Variants in SHANK2 observed in about 807,000 individuals in gnomAD.
SHANK2 encodes SH3 and multiple ankyrin repeat domains protein 2.
SHANK2 carries 43 observed loss-of-function variants against 133.7 expected under a neutral mutation model. That is an observed-to-expected ratio of 0.32 (90% confidence interval 0.25 to 0.41). The LOEUF (loss-of-function observed/expected upper bound fraction) is 0.41, where lower values mean the gene tolerates loss of function less well. SHANK2 is among the 10% of genes least tolerant of loss of function. The pLI is 1.00. For synonymous variants in SHANK2, 1,017 were observed against 952.8 expected, an observed-to-expected ratio of 1.07 and a Z score of -1.24; for missense variants, 1,994 against 2,235.8, an observed-to-expected ratio of 0.89 and a Z score of 2.18.
At chr11:70,836,402 ACAG>A (rs1948817477) in intron 11 of SHANK2, among the ~76,000 whole-genome samples, 1 of 152,144 alleles carries the variant, frequency 6.6e-6, no homozygotes. Context: ...AAGGATAATA[ACAG>A]CAGCTGTCTT....
intron 3 of SHANK2, among the ~76,000 whole-genome samples, chr11:71,135,294 G>C (rs1555104565): frequency 6.6e-6 from 1 of 152,178 alleles, no homozygotes; most frequent in Non-Finnish European, 1.5e-5. Flanking sequence ...ACAAGGATGA[G>C]CAGAGCCTGC....
intron 3 of SHANK2, among the ~76,000 whole-genome samples, chr11:71,124,165 CGATGAT>C (rs1952131935): frequency 1.6e-4 from 1 of 6,394 alleles, no homozygotes; most frequent in Non-Finnish European, 4.1e-4. Context: ...ATTATGATAG[CGATGAT>C]GGTGATGGTG....
intron 8 of SHANK2, among the ~76,000 whole-genome samples, chr11:71,088,150 C>G (rs1435054505): frequency 2.6e-5 from 4 of 152,124 alleles, no homozygotes; most frequent in Admixed American, 1.3e-4. Context: ...ACTGAGGTCC[C>G]CTGAGGAGGA....
At chr11:70,854,549 G>A (rs1477895564) in intron 11 of SHANK2, among the ~76,000 whole-genome samples, 2 of 152,186 alleles carry the variant, frequency 1.3e-5, no homozygotes, top group African/African-American at 2.4e-5. Context: ...TGAGGGAGAG[G>A]GACCAAGGTC....
chr11:70,698,702 G>A lies in SHANK2; in HGVS notation c.1839C>T (p.Ser613=). 2.8e-6 allele frequency: 2 copies of A among 718,674 alleles called. No homozygotes were observed. Among genetic ancestry groups the A allele is most frequent in the Non-Finnish European group, 5.2e-6 (2 of 385,118 alleles). 44.5% of individuals were successfully genotyped at this position (718,674 alleles called of 1,614,324 possible). ...FRHYTVGSYD[S]FDTSSDCIIE... Reference sequence around the variant, plus strand: ...GCGCGTCTTACCTGGAAGTGTCGAAGCTGTCATAGGAGCCCACGGTGTAGT... The same window carrying A: ...GCGCGTCTTACCTGGAAGTGTCGAAACTGTCATAGGAGCCCACGGTGTAGT... Residue 613 remains serine (S), a synonymous_variant, in exon 15 of 26, where the codon AGC becomes AGT. Transcript: ENST00000601538.
chr11:70,497,762 G>T (rs1329337787), intron 21 of SHANK2, among the ~76,000 whole-genome samples: 1 of 152,196 alleles, frequency 6.6e-6, no homozygotes, highest in African/African-American at 2.4e-5. Flanking sequence ...AATCACAAGG[G>T]AGTCACCAAA....
At chr11:70,751,647 T>C (rs180748069) in intron 14 of SHANK2, among the ~76,000 whole-genome samples, 3 of 152,178 alleles carry the variant, frequency 2.0e-5, no homozygotes, top group Non-Finnish European at 1.5e-5. Flanking sequence ...GAAAATACGA[T>C]GGTTGAAGTA....
Position 70,486,649 on chromosome 11 carries a change from G to C in SHANK2, c.3644C>G (p.Pro1215Arg). The change falls in exon 25 of 26, where the codon CCG becomes CGG. Residue 1215 changes from proline to arginine, a missense_variant. Around this residue, in one of 5 missense-constraint regions of SHANK2, gnomAD observed 797 missense variants for 907.4 expected, o/e 0.88. Coordinates refer to ENST00000601538, the MANE Select transcript of SHANK2 (RefSeq NM_012309.5). This position sits in a 1 kb window ranked among gnomAD's most constrained non-coding sequence, Gnocchi z 8.0. The part of the protein sequence containing the change: ...LTGRLLDPSS[P>R]LALALSARDR... ...CCTTGCGGAGAGTGCCAGGGCCAGC[G>C]GGGAGCTGGGATCAAGCAGCCGCCC... The C allele has an allele frequency of 6.2e-7, 1 of 1,612,378 alleles. No homozygotes were observed. Among genetic ancestry groups the C allele is most frequent in the South Asian group, 1.1e-5 (1 of 91,090 alleles).
At chr11:71,217,570 T>C (rs940357914) in intron 2 of SHANK2, among the ~76,000 whole-genome samples, 1 of 151,952 alleles carries the variant, frequency 6.6e-6, no homozygotes, top group Admixed American at 6.6e-5. Flanking sequence ...AGGAAGGCAC[T>C]GTAATCACAG....
At chr11:71,109,470 C>T (rs971210133) in intron 6 of SHANK2, among the ~76,000 whole-genome samples, 2 of 152,240 alleles carry the variant, frequency 1.3e-5, no homozygotes, top group African/African-American at 2.4e-5. Flanking sequence ...CCATCTTTCC[C>T]GACCGATGCC....
intron 10 of SHANK2, among the ~76,000 whole-genome samples, chr11:70,933,737 T>C (rs1555082931): frequency 1.3e-5 from 2 of 151,592 alleles, no homozygotes; most frequent in African/African-American, 4.9e-5. Flanking sequence ...CTGGCCAACA[T>C]GGCGAAATCC....
At chr11:70,866,557 C>A (rs532351745) in intron 11 of SHANK2, among the ~76,000 whole-genome samples, 1 of 152,154 alleles carries the variant, frequency 6.6e-6, no homozygotes, top group East Asian at 1.9e-4. Flanking sequence ...TTGCTGCAGA[C>A]GTCAGTAACT....
rs183645241 is a variant in SHANK2 at position 71,104,083 on chromosome 11, T to C, written c.592+5858A>G. ...TAGAGCCAATTAAACCTCTTTTCTT[T>C]ATAAACTACCCAGCCTCAGGTATGT... On this transcript the variant is annotated intron_variant, in intron 6 of 25. Coordinates refer to ENST00000601538, the MANE Select transcript of SHANK2 (RefSeq NM_012309.5). Among the ~76,000 whole-genome samples, 168 of 152,154 alleles carry C rather than the reference T, an allele frequency of 1.1e-3. 1 individual carries two copies. Among genetic ancestry groups the C allele is most frequent in the African/African-American group, 3.8e-3 (158 of 41,492 alleles).
intron 3 of SHANK2, among the ~76,000 whole-genome samples, chr11:71,143,062 C>A (rs1193040042): frequency 6.6e-6 from 1 of 152,096 alleles, no homozygotes; most frequent in African/African-American, 2.4e-5. Context: ...GGTAAAACCC[C>A]GTCTCTACTA....
chr11:70,844,202 A>G (rs541156412), intron 11 of SHANK2, among the ~76,000 whole-genome samples: 1 of 152,160 alleles, frequency 6.6e-6, no homozygotes, highest in Non-Finnish European at 1.5e-5. Flanking sequence ...CCCCTACAAC[A>G]TTAGTTCAAC....
At chr11:70,913,193 A>T (rs1266796290) in intron 10 of SHANK2, among the ~76,000 whole-genome samples, 1 of 152,092 alleles carries the variant, frequency 6.6e-6, no homozygotes, top group Non-Finnish European at 1.5e-5. Context: ...TTCAATTTAT[A>T]ATTAATCCCA....
chr11:70,698,232 C>T (rs534425349), intron 15 of SHANK2: 25 of 200,650 alleles, frequency 1.2e-4, no homozygotes, highest in African/African-American at 5.3e-4. Flanking sequence ...TGGTGGCTCG[C>T]CTGCCCCCTT....
At chr11:71,233,534 GT>G (rs2135777198) in intron 1 of SHANK2, among the ~76,000 whole-genome samples, 1 of 152,250 alleles carries the variant, frequency 6.6e-6, no homozygotes, top group East Asian at 1.9e-4. Flanking sequence ...GAATAAACAT[GT>G]TCCTAAATCG....
chr11:71,075,432 G>A lies in SHANK2; in HGVS notation c.913-157C>T, dbSNP rs998822388. On this transcript the variant is annotated intron_variant, in intron 8 of 25. Transcript: ENST00000601538. ...CCACCCACCCACCATCTGGGCAAGC[G>A]CTCTAAAGACATCAGCATGCACCAC... Among the ~76,000 whole-genome samples, 10 of 152,286 alleles carry A rather than the reference G, an allele frequency of 6.6e-5. No individual in the cohort carries two copies. The East Asian group carries it at 7.7e-4, about 12-fold the overall frequency.
Sources: allele counts gnomAD v4.1 joint callset (sites outside exome capture counted in the v4.1 genomes callset), GRCh38; gene constraint gnomAD v4.1.1; regional missense constraint gnomAD v4.1.1; non-coding constraint Gnocchi (gnomAD v3.1); transcripts MANE v1.5; gene names NCBI Gene and HGNC (gene_info 2026-07-23, HGNC 2026-07-21).